Variants in CDH12 observed in about 807,000 individuals in gnomAD.
The protein encoded by CDH12 is cadherin-12.
Under a neutral mutation model 74.1 loss-of-function variants are expected in CDH12, and 41 were observed. The observed-to-expected ratio is 0.55, with a 90% confidence interval of 0.43 to 0.72. CDH12 has a LOEUF of 0.72. Ranked by LOEUF, CDH12 falls within the 30% of genes least tolerant of loss-of-function variation. The pLI is 0.00. For missense variants in CDH12, 945 were observed against 977.2 expected, an observed-to-expected ratio of 0.97 and a Z score of 0.44; for synonymous variants, 399 against 355.0, an observed-to-expected ratio of 1.12 and a Z score of -1.39.
At chr5:22,618,138 ATATT>A (rs1737781726) in intron 1 of CDH12, among the ~76,000 whole-genome samples, 1 of 152,130 alleles carries the variant, frequency 6.6e-6, no homozygotes, top group Non-Finnish European at 1.5e-5. Context: ...TTTTAAGACA[ATATT>A]TAGTTTGCAG....
At chr5:22,532,900 C>G (rs370303324) in intron 1 of CDH12, among the ~76,000 whole-genome samples, 1 of 151,314 alleles carries the variant, frequency 6.6e-6, no homozygotes, top group Non-Finnish European at 1.5e-5. Flanking sequence ...TGTCATTATT[C>G]CACTCAATAA....
chr5:21,833,965 T>C (rs1309160077), intron 8 of CDH12, among the ~76,000 whole-genome samples: 2 of 151,960 alleles, frequency 1.3e-5, no homozygotes, highest in African/African-American at 4.8e-5. Flanking sequence ...AGGAGCTTTT[T>C]GGTAATTAAA....
intron 4 of CDH12, among the ~76,000 whole-genome samples, chr5:22,127,288 G>A (rs1745926077): frequency 6.6e-6 from 1 of 151,974 alleles, no homozygotes; most frequent in African/African-American, 2.4e-5. Flanking sequence ...GACCAGCCTG[G>A]CCAACATGGT....
intron 5 of CDH12, among the ~76,000 whole-genome samples, chr5:22,024,861 TG>T (rs1160442410): frequency 6.6e-6 from 1 of 152,206 alleles, no homozygotes; most frequent in Non-Finnish European, 1.5e-5. Context: ...TATGGACTAC[TG>T]TATGCCATAT....
chr5:22,425,423 A>G (rs985292976), intron 2 of CDH12, among the ~76,000 whole-genome samples: 6 of 151,312 alleles, frequency 4.0e-5, no homozygotes, highest in African/African-American at 7.3e-5. Flanking sequence ...AAATGCATCA[A>G]TGGGAGATCT....
chr5:22,683,967 C>A (rs1001534700), intron 1 of CDH12, among the ~76,000 whole-genome samples: 1 of 152,202 alleles, frequency 6.6e-6, no homozygotes, highest in African/African-American at 2.4e-5. Context: ...TCTTTGTTAA[C>A]GTAAAGTCAA....
At chr5:22,255,658 G>A (rs1428496390) in intron 3 of CDH12, among the ~76,000 whole-genome samples, 1 of 151,458 alleles carries the variant, frequency 6.6e-6, no homozygotes, top group Non-Finnish European at 1.5e-5. Context: ...AAATTCATAG[G>A]TAGTGGATGA....
chr5:22,226,464 G>A (rs1752198933), intron 3 of CDH12, among the ~76,000 whole-genome samples: 1 of 151,498 alleles, frequency 6.6e-6, no homozygotes, highest in East Asian at 2.0e-4. Flanking sequence ...AAAGTAACCT[G>A]GTACTATCTG....
At chr5:22,068,855 A>G (rs2150214186) in intron 5 of CDH12, among the ~76,000 whole-genome samples, 1 of 152,312 alleles carries the variant, frequency 6.6e-6, no homozygotes, top group South Asian at 2.1e-4. Flanking sequence ...CATGAGACCA[A>G]CAACACACAG....
At chr5:21,867,347 C>A (rs1245160420) in intron 6 of CDH12, among the ~76,000 whole-genome samples, 1 of 152,106 alleles carries the variant, frequency 6.6e-6, no homozygotes, top group African/African-American at 2.4e-5. Flanking sequence ...AAGAGTGAGA[C>A]TTTGTCTCAA....
At chr5:22,839,839 T>C (rs1441500616) in intron 1 of CDH12, among the ~76,000 whole-genome samples, 1 of 152,172 alleles carries the variant, frequency 6.6e-6, no homozygotes. Flanking sequence ...AAGGGTAAAG[T>C]AGCTAAATAT....
At chr5:22,445,095 G>T (rs1033598855) in intron 2 of CDH12, among the ~76,000 whole-genome samples, 2 of 152,064 alleles carry the variant, frequency 1.3e-5, no homozygotes, top group African/African-American at 2.4e-5. Flanking sequence ...GCTATGGAAA[G>T]AGAGTATTTC....
At chr5:22,213,011 T>G (rs916481208) in intron 3 of CDH12, among the ~76,000 whole-genome samples, 1 of 152,122 alleles carries the variant, frequency 6.6e-6, no homozygotes, top group Non-Finnish European at 1.5e-5. Flanking sequence ...TCTCCTGCTG[T>G]TTTTCAAGGT....
intron 3 of CDH12, among the ~76,000 whole-genome samples, chr5:22,245,533 C>G (rs984013288): frequency 2.6e-5 from 4 of 151,740 alleles, no homozygotes; most frequent in African/African-American, 9.7e-5. Flanking sequence ...ATCAAAGATA[C>G]AAATGATAGG....
chr5:21,799,107 A>G (rs1462412017), intron 10 of CDH12, among the ~76,000 whole-genome samples: 2 of 152,206 alleles, frequency 1.3e-5, no homozygotes, highest in Non-Finnish European at 2.9e-5. Context: ...TATGGACAGT[A>G]AAAGCCATTC....
chr5:21,870,890 C>G (rs1751583167), intron 6 of CDH12, among the ~76,000 whole-genome samples: 1 of 152,122 alleles, frequency 6.6e-6, no homozygotes, highest in Non-Finnish European at 1.5e-5. Context: ...TGCTACCACA[C>G]CCAGCTAATA....
At chr5:22,487,163 C>G (rs1273038707) in intron 2 of CDH12, among the ~76,000 whole-genome samples, 1 of 151,904 alleles carries the variant, frequency 6.6e-6, no homozygotes, top group East Asian at 1.9e-4. Context: ...CCACCACGCC[C>G]CACTAATTTT....
At chr5:22,572,637 C>A (rs1739595932) in intron 1 of CDH12, among the ~76,000 whole-genome samples, 1 of 152,102 alleles carries the variant, frequency 6.6e-6, no homozygotes, top group African/African-American at 2.4e-5. Context: ...AACATCAATT[C>A]TGTTTCTATA....
intron 1 of CDH12, among the ~76,000 whole-genome samples, chr5:22,721,882 TCTC>T (rs1475818188): frequency 5.3e-5 from 8 of 152,112 alleles, no homozygotes; most frequent in African/African-American, 1.9e-4. Context: ...GGTGCTTGCT[TCTC>T]CTTCTCCTTC....
Sources: gnomAD v4.1 joint callset for allele counts (sites outside exome capture counted in the v4.1 genomes callset) on GRCh38, gnomAD v4.1.1 for gene constraint, MANE v1.5 for transcripts, NCBI Gene and HGNC (gene_info 2026-07-23, HGNC 2026-07-21) for gene names.